TRDN: variants seen among roughly 807,000 people sequenced by gnomAD.
TRDN encodes the protein triadin.
TRDN carries 161 observed loss-of-function variants against 149.7 expected under a neutral mutation model. The observed-to-expected ratio is 1.08, with a 90% CI of 0.95 to 1.23. TRDN has a LOEUF of 1.23. Ranked by LOEUF, TRDN falls within the 50% of genes most tolerant of loss-of-function variation. The pLI is 0.00. For missense variants in TRDN, 896 were observed against 823.5 expected (o/e 1.09, Z -1.08); for synonymous variants, 294 against 250.5 (o/e 1.17, Z -1.64).
intron 23 of TRDN, among the ~76,000 whole-genome samples, chr6:123,319,641 T>C (rs1213640239): frequency 1.3e-5 from 2 of 152,128 alleles, no homozygotes; most frequent in Non-Finnish European, 2.9e-5. Context: ...CACTGTTTAA[T>C]TGTTTTCTAC....
chr6:123,269,021 T>G (rs1463268624), intron 31 of TRDN, among the ~76,000 whole-genome samples: 1 of 152,018 alleles, frequency 6.6e-6, no homozygotes, highest in Non-Finnish European at 1.5e-5. Flanking sequence ...TTGGGTCTTG[T>G]GAAGCTATTT....
intron 31 of TRDN, among the ~76,000 whole-genome samples, chr6:123,269,009 C>T (rs1240914660): frequency 6.6e-6 from 1 of 151,892 alleles, no homozygotes; most frequent in Non-Finnish European, 1.5e-5. Context: ...ACACGTTCAC[C>T]TTTGGGTCTT....
chr6:123,311,882 A>G (rs527684894), intron 24 of TRDN, among the ~76,000 whole-genome samples: 1 of 152,128 alleles, frequency 6.6e-6, no homozygotes, highest in Admixed American at 6.6e-5. Flanking sequence ...ATCATGAAAT[A>G]GACAGTAGAT....
intron 24 of TRDN, among the ~76,000 whole-genome samples, chr6:123,314,535 C>G (rs1778953904): frequency 6.6e-6 from 1 of 152,024 alleles, no homozygotes; most frequent in East Asian, 1.9e-4. Flanking sequence ...TATAAAGACA[C>G]ATGCACACAT....
intron 12 of TRDN, among the ~76,000 whole-genome samples, chr6:123,425,899 A>C (rs557743573): frequency 1.3e-5 from 2 of 152,186 alleles, no homozygotes; most frequent in South Asian, 4.1e-4. Flanking sequence ...CTATCTATCT[A>C]TCTATCTATC....
chr6:123,527,871 T>C (rs1780028898), intron 5 of TRDN, among the ~76,000 whole-genome samples: 1 of 151,666 alleles, frequency 6.6e-6, no homozygotes, highest in Admixed American at 6.6e-5. Context: ...ATTTATAAAA[T>C]AAAATAAATT....
intron 1 of TRDN, among the ~76,000 whole-genome samples, chr6:123,620,206 G>A (rs1362739669): frequency 6.6e-6 from 1 of 152,138 alleles, no homozygotes; most frequent in Non-Finnish European, 1.5e-5. Flanking sequence ...AACTAGGGTT[G>A]CGGCTTTAAA....
rs757541801 is a variant in TRDN, at chr6:123,252,458, TTTTG to T, written c.1952-27_1952-24del. On this transcript the variant is annotated intron_variant, in intron 37 of 40. Transcript: ENST00000334268. ...CTGCTAAAAAGAGAAAATAAATAAG[TTTTG>T]TTTAACTGAGATAAAATGCAAGGAA... 31 of 1,413,768 alleles carry T rather than the reference TTTTG, an allele frequency of 2.2e-5. No individual in the cohort carries two copies. In the East Asian group the frequency reaches 3.6e-4, roughly 16 times the overall value. 87.6% of individuals were successfully genotyped at this position (1,413,768 alleles called of 1,614,324 possible).
At chr6:123,554,093 T>C (rs1781530412) in intron 2 of TRDN, among the ~76,000 whole-genome samples, 2 of 152,094 alleles carry the variant, frequency 1.3e-5, no homozygotes, top group Non-Finnish European at 2.9e-5. Context: ...CCAAAGACTG[T>C]TTTCATTGGA....
At chr6:123,551,778 C>A (rs1781404777) in intron 2 of TRDN, among the ~76,000 whole-genome samples, 1 of 151,986 alleles carries the variant, frequency 6.6e-6, no homozygotes, top group Non-Finnish European at 1.5e-5. Flanking sequence ...GTTTTACACC[C>A]ATTTTAGGCC....
chr6:123,596,180 A>G (rs576057212), intron 1 of TRDN, among the ~76,000 whole-genome samples: 1 of 152,244 alleles, frequency 6.6e-6, no homozygotes, highest in South Asian at 2.1e-4. Context: ...TGATCTGAAG[A>G]AAATTCAAGT....
At chr6:123,220,854 G>T (rs1251923784) in intron 40 of TRDN, among the ~76,000 whole-genome samples, 1 of 151,694 alleles carries the variant, frequency 6.6e-6, no homozygotes, top group Non-Finnish European at 1.5e-5. Context: ...CCTTTATTCT[G>T]TTCTGCAATG....
At position 123,388,521 on chromosome 6, in the gene TRDN, C is replaced by T. The variant is rs1781989551; in HGVS notation, c.1135+1G>A. On this transcript the variant is annotated splice_donor_variant, in intron 14 of 40. Transcript: ENST00000334268. LOFTEE classifies it high-confidence loss of function. ...TCAGTGGGATTTTGCATAAAACATA[C>T]CTTCCTTCTTTTCATCCTTCTTAGC... 1 of 1,586,812 alleles carries T rather than the reference C, an allele frequency of 6.3e-7. No homozygotes were observed. The highest frequency in any genetic ancestry group is 2.3e-5 in the East Asian group (1 of 44,208).
At chr6:123,286,202 T>C (rs1777797785) in intron 24 of TRDN, among the ~76,000 whole-genome samples, 1 of 152,090 alleles carries the variant, frequency 6.6e-6, no homozygotes, top group Non-Finnish European at 1.5e-5. Context: ...GAAATTATTA[T>C]ACTACAAGGA....
intron 2 of TRDN, among the ~76,000 whole-genome samples, chr6:123,559,517 C>T (rs570779221): frequency 1.3e-3 from 204 of 151,864 alleles, no homozygotes; most frequent in African/African-American, 4.4e-3. Context: ...CCCACTTAAC[C>T]CACAAGAATA....
At chr6:123,572,450 C>A (rs953029334) in intron 1 of TRDN, among the ~76,000 whole-genome samples, 13 of 151,682 alleles carry the variant, frequency 8.6e-5, no homozygotes, top group Non-Finnish European at 1.8e-4. Flanking sequence ...GGCTAGAAAG[C>A]CTCCTGGATG....
chr6:123,499,719 A>AAAAAAATATATATATATATATATATATAT, intron 8 of TRDN, among the ~76,000 whole-genome samples: 2 of 47,660 alleles, frequency 4.2e-5, no homozygotes, highest in Non-Finnish European at 9.0e-5. Flanking sequence ...AAAAAAAAAA[A>AAAAAAATATATATATATATATATATATAT]ATATATATAT....
chr6:123,293,735 G>A (rs1051358041), intron 24 of TRDN, among the ~76,000 whole-genome samples: 3 of 152,126 alleles, frequency 2.0e-5, no homozygotes, highest in African/African-American at 7.2e-5. Flanking sequence ...ATGGGAAGAA[G>A]TCAAACACTG....
At chr6:123,585,244 A>G (rs1430079703) in intron 1 of TRDN, among the ~76,000 whole-genome samples, 2 of 151,632 alleles carry the variant, frequency 1.3e-5, no homozygotes, top group African/African-American at 4.9e-5. Flanking sequence ...GAAGCAGATA[A>G]TTTAGTTAAA....
Sources: gnomAD v4.1 joint callset for allele counts (sites outside exome capture counted in the v4.1 genomes callset) on GRCh38, gnomAD v4.1.1 for gene constraint, MANE v1.5 for transcripts, NCBI Gene and HGNC (gene_info 2026-07-23, HGNC 2026-07-21) for gene names.